Variants in LIMS1 observed in about 807,000 individuals in gnomAD.
LIMS1 encodes the protein LIM and senescent cell antigen-like-containing domain protein 1.
In LIMS1, 18 loss-of-function variants were observed where a neutral mutation model predicts 44.1. The ratio of observed to expected loss-of-function variants is 0.41; its 90% CI spans 0.28 to 0.61. The LOEUF is 0.61. Among genes scored for constraint, LIMS1 ranks in the 20% least tolerant of loss-of-function variants. LIMS1 has a pLI of 0.32. For missense variants in LIMS1, 201 were observed against 422.0 expected (o/e 0.48, Z 4.59); for synonymous variants, 93 against 149.1 (o/e 0.62, Z 2.74).
chr2:108,587,920 G>A lies in LIMS1; in HGVS notation c.32+53326G>A, dbSNP rs1173065077. Reference sequence around the variant, plus strand: ...CTAAGCTGGCCTGCACCTTGCCACCGGAAGATGTAGTGTAGAGTAGCTGCT... The same window carrying A: ...CTAAGCTGGCCTGCACCTTGCCACCAGAAGATGTAGTGTAGAGTAGCTGCT... On this transcript the variant is annotated intron_variant, in intron 1 of 9. Transcript: ENST00000544547. 3.3e-5 allele frequency among the ~76,000 whole-genome samples: 5 copies of A among 152,072 alleles called. No homozygotes were observed. In the East Asian group the frequency reaches 5.8e-4, roughly 18 times the overall value.
chr2:108,552,612 G>GTGTGTGTGTT (rs1296496322), intron 1 of LIMS1, among the ~76,000 whole-genome samples: 2 of 148,430 alleles, frequency 1.3e-5, no homozygotes, highest in Non-Finnish European at 3.0e-5. Flanking sequence ...GTGTGTGTGT[G>GTGTGTGTGTT]TTTTTGGAGA....
At chr2:108,587,529 A>G (rs901039436) in intron 1 of LIMS1, among the ~76,000 whole-genome samples, 12 of 151,966 alleles carry the variant, frequency 7.9e-5, no homozygotes, top group African/African-American at 2.9e-4. Flanking sequence ...GATTAACCTC[A>G]GGCCCTAGTT....
intron 1 of LIMS1, among the ~76,000 whole-genome samples, chr2:108,618,399 C>G (rs1285978501): frequency 6.6e-6 from 1 of 152,178 alleles, no homozygotes; most frequent in Non-Finnish European, 1.5e-5. Flanking sequence ...TCCTCCCTGT[C>G]TTTGTCATGG....
At chr2:108,588,015 G>C (rs551187389) in intron 1 of LIMS1, among the ~76,000 whole-genome samples, 1 of 152,300 alleles carries the variant, frequency 6.6e-6, no homozygotes, top group East Asian at 1.9e-4. Flanking sequence ...TTATTATAGA[G>C]ATCCAGAGGG....
At chr2:108,650,769 C>T (rs1172872885) in intron 1 of LIMS1, among the ~76,000 whole-genome samples, 1 of 152,218 alleles carries the variant, frequency 6.6e-6, no homozygotes, top group African/African-American at 2.4e-5. Flanking sequence ...GATCCTTATT[C>T]ACGACATACA....
intron 1 of LIMS1, among the ~76,000 whole-genome samples, chr2:108,582,487 G>A (rs1027631840): frequency 4.6e-5 from 7 of 152,156 alleles, no homozygotes; most frequent in South Asian, 2.1e-4. Flanking sequence ...AGATATCATC[G>A]GCTGGGCGCA....
chr2:108,569,764 C>CCTTTTTT lies in LIMS1; in HGVS notation c.32+35170_32+35171insCTTTTTT, dbSNP rs753691810. Among the ~76,000 whole-genome samples the CCTTTTTT allele has an allele frequency of 7.9e-4, 89 of 113,122 alleles. 11 individuals carry two copies. Among genetic ancestry groups the CCTTTTTT allele is most frequent in the Admixed American group, 1.6e-3 (15 of 9,652 alleles). 74.2% of individuals were successfully genotyped at this position (113,122 alleles called of 152,430 possible). A position where few individuals can be genotyped will look rare whatever the true frequency, so the allele number is the denominator to read the frequency against. ...TACAAACACTCACCGCCATATCTGG[C>CCTTTTTT]TTTTTTTTTTTTTTTTTTTAGTGAT... On this transcript the variant is annotated intron_variant, in intron 1 of 9. Transcript: ENST00000544547.
exon 10 of LIMS1, chr2:108,685,756 C>G (rs942414512): frequency 6.6e-6 from 1 of 152,078 alleles, no homozygotes; most frequent in Non-Finnish European, 1.5e-5. Context: ...TAATATGTGA[C>G]CAGCAATGAC....
intron 1 of LIMS1, among the ~76,000 whole-genome samples, chr2:108,587,171 G>A (rs75785019): frequency 2.0e-5 from 3 of 152,054 alleles, no homozygotes; most frequent in Non-Finnish European, 4.4e-5. Flanking sequence ...ACCCTTCCCT[G>A]TAAATAGTCA....
chr2:108,677,289 T>C (rs1339033752), intron 7 of LIMS1: 5 of 152,556 alleles, frequency 3.3e-5, no homozygotes, highest in African/African-American at 1.2e-4. Flanking sequence ...CCCTTTTTAA[T>C]AGACTACTTT....
intron 1 of LIMS1, among the ~76,000 whole-genome samples, chr2:108,642,366 T>G (rs1342192149): frequency 1.9e-4 from 6 of 31,058 alleles, no homozygotes; most frequent in African/African-American, 5.3e-4. Context: ...TTGTTTTTTG[T>G]TTTTTTTTTT....
chr2:108,591,276 C>T (rs528943835), intron 1 of LIMS1, among the ~76,000 whole-genome samples: 3 of 152,200 alleles, frequency 2.0e-5, no homozygotes, highest in East Asian at 3.9e-4. Context: ...GAAATGGTTT[C>T]CATGGGTAAT....
chr2:108,685,394 G>GA (rs1693246987), exon 10 of LIMS1: 1 of 152,068 alleles, frequency 6.6e-6, no homozygotes, highest in Admixed American at 6.6e-5. Flanking sequence ...TGCTTAAAAA[G>GA]AAAGTTGCCA....
intron 1 of LIMS1, among the ~76,000 whole-genome samples, chr2:108,560,995 G>T (rs1685091880): frequency 6.6e-6 from 1 of 152,072 alleles, no homozygotes; most frequent in South Asian, 2.1e-4. Context: ...GTTACCAATG[G>T]GTCAGAAGAA....
chr2:108,649,811 C>T (rs1219160585), intron 1 of LIMS1, among the ~76,000 whole-genome samples: 1 of 152,018 alleles, frequency 6.6e-6, no homozygotes, highest in East Asian at 1.9e-4. Flanking sequence ...CACACCGGGG[C>T]CTGTCGGTGG....
intron 1 of LIMS1, among the ~76,000 whole-genome samples, chr2:108,656,592 G>A (rs866175436): frequency 2.5e-3 from 370 of 149,294 alleles, no homozygotes; most frequent in African/African-American, 9.0e-3. Context: ...ACTGGTTCAG[G>A]GGGCAGCAAG....
chr2:108,569,373 G>A (rs1685406471), intron 1 of LIMS1, among the ~76,000 whole-genome samples: 1 of 152,032 alleles, frequency 6.6e-6, no homozygotes, highest in African/African-American at 2.4e-5. Flanking sequence ...TGCTTTTGTT[G>A]CCTGTGCTTT....
intron 1 of LIMS1, among the ~76,000 whole-genome samples, chr2:108,648,458 C>G (rs539493683): frequency 2.6e-5 from 4 of 152,304 alleles, no homozygotes; most frequent in African/African-American, 9.6e-5. Flanking sequence ...GAAAAAACTA[C>G]TTTGAATTTC....
At chr2:108,676,434 A>C (rs11691112) in intron 6 of LIMS1, among the ~76,000 whole-genome samples, 172 bp from the exon 7 acceptor site, 56,975 of 152,094 alleles carry the variant, frequency 0.37, 11,274 homozygotes, top group Middle Eastern at 0.52. Context: ...TCAAAGACAG[A>C]CACCTGAATT....
Sources: allele counts gnomAD v4.1 joint callset (sites outside exome capture counted in the v4.1 genomes callset), GRCh38; gene constraint gnomAD v4.1.1; transcripts MANE v1.5; gene names NCBI Gene and HGNC (gene_info 2026-07-23, HGNC 2026-07-21).